The following MARCHF4 variants were observed in gnomAD, a reference collection of about 807,000 sequenced individuals.
MARCHF4 encodes membrane associated ring-CH-type finger 4.
Under a neutral mutation model 43.9 loss-of-function variants are expected in MARCHF4, and 14 were observed. The observed-to-expected ratio is 0.32, with a 90% CI of 0.21 to 0.50. The LOEUF is 0.50. Ranked by LOEUF, MARCHF4 falls within the 20% of genes least tolerant of loss-of-function variation. The pLI, the probability that MARCHF4 is intolerant of heterozygous loss-of-function variation, is 0.98. For synonymous variants in MARCHF4, 226 were observed against 213.3 expected, an observed-to-expected ratio of 1.06 and a Z score of -0.52; for missense variants, 468 against 536.7, an observed-to-expected ratio of 0.87 and a Z score of 1.27.
rs541199493 is a variant in MARCHF4 at position 216,370,262 on chromosome 2, T to C, written c.-2A>G. ...CAGCCCACACAGGGGCATCAGCATGTGCCCCGTGGAAGTAGAGAGCCCAAG... is the reference window on the plus strand; with the variant it reads ...CAGCCCACACAGGGGCATCAGCATGCGCCCCGTGGAAGTAGAGAGCCCAAG... On this transcript the variant is annotated 5_prime_UTR_variant, in exon 1 of 4. Transcript: ENST00000273067. 1.2e-4 allele frequency: 190 copies of C among 1,594,428 alleles called. No individual in the cohort carries two copies. In the South Asian group the frequency reaches 2.0e-3, roughly 17 times the overall value.
intron 1 of MARCHF4, among the ~76,000 whole-genome samples, chr2:216,325,443 T>C (rs1236232874): frequency 1.3e-5 from 2 of 152,174 alleles, no homozygotes; most frequent in Non-Finnish European, 2.9e-5. Context: ...AATGACTTTC[T>C]TCACAGAATT....
At chr2:216,299,070 G>A (rs1022912813) in intron 1 of MARCHF4, among the ~76,000 whole-genome samples, 6 of 151,962 alleles carry the variant, frequency 3.9e-5, no homozygotes, top group African/African-American at 9.7e-5. Context: ...CCACCACTGT[G>A]ATCCTGAAAA....
At chr2:216,287,691 C>G (rs191089532) in intron 1 of MARCHF4, among the ~76,000 whole-genome samples, 3 of 150,038 alleles carry the variant, frequency 2.0e-5, no homozygotes, top group Non-Finnish European at 3.0e-5. Flanking sequence ...TAATGCTAAA[C>G]GACGAGTTAA....
intron 3 of MARCHF4, among the ~76,000 whole-genome samples, chr2:216,260,544 G>A (rs1039043380): frequency 2.4e-4 from 36 of 152,286 alleles, no homozygotes; most frequent in Admixed American, 3.9e-4. Context: ...AGAGCACTTC[G>A]GTGGAAGGAA....
chr2:216,345,263 A>C (rs537763506), intron 1 of MARCHF4, among the ~76,000 whole-genome samples: 1 of 151,994 alleles, frequency 6.6e-6, no homozygotes, highest in Non-Finnish European at 1.5e-5. Flanking sequence ...TCTTCTCCCC[A>C]AGGTTACACA....
At chr2:216,305,325 C>G (rs928025231) in intron 1 of MARCHF4, among the ~76,000 whole-genome samples, 2 of 152,124 alleles carry the variant, frequency 1.3e-5, no homozygotes, top group Admixed American at 1.3e-4. Flanking sequence ...AGGTATAGTT[C>G]AAGGTTCAAG....
chr2:216,272,446 G>C (rs757783244), intron 3 of MARCHF4, among the ~76,000 whole-genome samples: 1 of 152,064 alleles, frequency 6.6e-6, no homozygotes, highest in Non-Finnish European at 1.5e-5. Context: ...AAATATTACT[G>C]GACTAATTTC....
In MARCHF4 at chr2:216,359,897, T is replaced by A. The variant is rs544956939; in HGVS notation, c.516+9848A>T. The stretch of plus-strand genomic sequence containing the variant: ...CTCTGCCAGCACTGAATGACTGAAC[T>A]TGCACTTTTGATTATATCATACCCT... On this transcript the variant is annotated intron_variant, in intron 1 of 3. Coordinates refer to ENST00000273067, the MANE Select transcript of MARCHF4 (RefSeq NM_020814.3). 5.3e-5 allele frequency among the ~76,000 whole-genome samples: 8 copies of A among 152,322 alleles called. No individual in the cohort carries two copies. The East Asian group carries it at 1.5e-3, about 29-fold the overall frequency.
chr2:216,298,856 T>A (rs79367397), intron 1 of MARCHF4, among the ~76,000 whole-genome samples: 7,494 of 152,296 alleles, frequency 0.049, 601 homozygotes, highest in African/African-American at 0.17. Flanking sequence ...CCTGTCCATG[T>A]GTTTCCTGAG....
chr2:216,317,082 T>C (rs1691789789), intron 1 of MARCHF4, among the ~76,000 whole-genome samples: 1 of 152,032 alleles, frequency 6.6e-6, no homozygotes, highest in Non-Finnish European at 1.5e-5. Flanking sequence ...GGAAGGGGCT[T>C]CTGAACCTGT....
At position 216,366,282 on chromosome 2, in the gene MARCHF4, G is replaced by A. The variant is rs139819309; in HGVS notation, c.516+3463C>T. Among the ~76,000 whole-genome samples the A allele has an allele frequency of 1.8e-4, 27 of 152,320 alleles. No individual in the cohort carries two copies. In the East Asian group the frequency reaches 5.2e-3, roughly 29 times the overall value. On this transcript the variant is annotated intron_variant, in intron 1 of 3. Coordinates refer to ENST00000273067, the MANE Select transcript of MARCHF4 (RefSeq NM_020814.3). ...AACTGGGTCCATCTGGCTTCAGAGA[G>A]TTCAGATTACTCACAATGGTACATT...
At chr2:216,337,525 T>C (rs1192991079) in intron 1 of MARCHF4, among the ~76,000 whole-genome samples, 2 of 152,252 alleles carry the variant, frequency 1.3e-5, no homozygotes, top group Non-Finnish European at 1.5e-5. Flanking sequence ...TCTTTTTGTT[T>C]ACCTGAATTT....
chr2:216,282,276 T>A (rs764647499), intron 2 of MARCHF4, among the ~76,000 whole-genome samples: 16 of 152,096 alleles, frequency 1.1e-4, no homozygotes, highest in Non-Finnish European at 2.4e-4. Context: ...CCAGCACACT[T>A]GTGTGTGTGC....
intron 1 of MARCHF4, among the ~76,000 whole-genome samples, chr2:216,330,503 T>C (rs923656817): frequency 2.6e-5 from 4 of 152,086 alleles, no homozygotes; most frequent in South Asian, 2.1e-4. Flanking sequence ...AAAAACAAAA[T>C]TGACACAAAC....
chr2:216,338,339 T>C (rs1049409078), intron 1 of MARCHF4, among the ~76,000 whole-genome samples: 4 of 152,176 alleles, frequency 2.6e-5, no homozygotes, highest in Admixed American at 6.5e-5. Context: ...CATTGCCAAC[T>C]GGTTCAGCCA....
chr2:216,292,476 C>A (rs1191422538), intron 1 of MARCHF4, among the ~76,000 whole-genome samples: 2 of 152,178 alleles, frequency 1.3e-5, no homozygotes, highest in African/African-American at 2.4e-5. Flanking sequence ...CAGAAAAATT[C>A]ACTGGATTTG....
chr2:216,285,175 C>T (rs1462232385), intron 1 of MARCHF4, among the ~76,000 whole-genome samples: 1 of 152,184 alleles, frequency 6.6e-6, no homozygotes, highest in African/African-American at 2.4e-5. Context: ...TCTCAGGTTG[C>T]CTGCACTGCC....
chr2:216,279,244 G>T (rs1691084598), intron 2 of MARCHF4, among the ~76,000 whole-genome samples: 1 of 152,206 alleles, frequency 6.6e-6, no homozygotes, highest in Non-Finnish European at 1.5e-5. Flanking sequence ...ATGTAGAAAG[G>T]CCTGTGCCAG....
At position 216,370,024 on chromosome 2, in the gene MARCHF4, A is replaced by G; in HGVS notation, c.237T>C (p.Leu79=). The change falls in exon 1 of 4, where the codon CTT becomes CTC. Residue 79 remains leucine, a synonymous_variant. Transcript: ENST00000273067. ...CCCACCCCCCGGCGCCCAGAGCCGG[A>G]AGGGTGTTGTTGGCCGCCAAACCGG... ...QPPGLAANNT[L]PALGAGGWAG... 1.6e-5 allele frequency: 24 copies of G among 1,546,066 alleles called. No individual in the cohort carries two copies. The highest frequency in any genetic ancestry group is 2.0e-5 in the Non-Finnish European group (23 of 1,142,728).
Sources: allele counts gnomAD v4.1 joint callset (sites outside exome capture counted in the v4.1 genomes callset), GRCh38; gene constraint gnomAD v4.1.1; transcripts MANE v1.5; gene names NCBI Gene and HGNC (gene_info 2026-07-23, HGNC 2026-07-21).